LRRC7: variants seen among roughly 807,000 people sequenced by gnomAD.
LRRC7 encodes the protein leucine-rich repeat-containing protein 7.
LRRC7 carries 23 observed loss-of-function variants against 175.7 expected under a neutral mutation model. The observed-to-expected ratio is 0.13, with a 90% CI of 0.09 to 0.19. The LOEUF (loss-of-function observed/expected upper bound fraction) is 0.19, where lower values mean the gene tolerates loss of function less well. Ranked by LOEUF, LRRC7 falls within the 10% of genes least tolerant of loss-of-function variation. LRRC7 has a pLI of 1.00. For missense variants in LRRC7, 1,354 were observed against 1,904.7 expected, an observed-to-expected ratio of 0.71 and a Z score of 5.38; for synonymous variants, 685 against 680.9, an observed-to-expected ratio of 1.01 and a Z score of -0.09.
chr1:69,784,407 T>C (rs958210016), intron 3 of LRRC7, among the ~76,000 whole-genome samples: 3 of 151,974 alleles, frequency 2.0e-5, no homozygotes, highest in Non-Finnish European at 4.4e-5. Context: ...TTACATACGC[T>C]CTTGGGTCTG....
chr1:69,878,728 C>T (rs569904053), intron 7 of LRRC7, among the ~76,000 whole-genome samples: 1 of 151,644 alleles, frequency 6.6e-6, no homozygotes, highest in East Asian at 1.9e-4. Context: ...TATAATGCAG[C>T]TAATGGGATA....
chr1:69,958,510 A>G (rs779674966), intron 8 of LRRC7, among the ~76,000 whole-genome samples: 1 of 152,076 alleles, frequency 6.6e-6, no homozygotes, highest in African/African-American at 2.4e-5. Flanking sequence ...TAAAAATGGT[A>G]TCTTTTTAAT....
In LRRC7 at chr1:70,036,136, C is replaced by A; in HGVS notation, c.2011C>A (p.Pro671Thr). The change falls in exon 19 of 27, where the codon CCA becomes ACA. Residue 671 changes from proline (P) to threonine (T), a missense_variant. Pro to Thr is a conservative substitution (Grantham distance 38). Coordinates refer to ENST00000651989, the MANE Select transcript of LRRC7 (RefSeq NM_001370785.2). ...TATCTCTCAGGATTCTTTTGTTCAT[C>A]CAGCTAATGAAATGAGGATTGGGGA... Reference protein sequence around the residue: ...EITVEDSFVHPANEMRIGELH... With the variant: ...EITVEDSFVHTANEMRIGELH... The A allele has an allele frequency of 6.2e-7, 1 of 1,610,760 alleles. No individual in the cohort carries two copies. Among genetic ancestry groups the A allele is most frequent in the Non-Finnish European group, 8.5e-7 (1 of 1,178,490 alleles).
At chr1:69,750,017 C>T (rs550915567) in intron 2 of LRRC7, among the ~76,000 whole-genome samples, 154 of 151,210 alleles carry the variant, frequency 1.0e-3, no homozygotes, top group African/African-American at 3.5e-3. Context: ...GCTGAGATCA[C>T]GCCACTGCAC....
chr1:69,928,222 G>T (rs1216560202), intron 7 of LRRC7, among the ~76,000 whole-genome samples: 1 of 152,162 alleles, frequency 6.6e-6, no homozygotes, highest in Non-Finnish European at 1.5e-5. Flanking sequence ...CTACTGTGGG[G>T]TGCCTCCCAG....
At chr1:69,977,253 CT>C (rs1470136503) in intron 8 of LRRC7, among the ~76,000 whole-genome samples, 1 of 151,878 alleles carries the variant, frequency 6.6e-6, no homozygotes, top group Non-Finnish European at 1.5e-5. Context: ...TTTTGTTTTT[CT>C]TTTTTCGAAT....
intron 1 of LRRC7, among the ~76,000 whole-genome samples, chr1:69,665,656 T>C (rs1658154448): frequency 6.6e-6 from 1 of 152,104 alleles, no homozygotes; most frequent in African/African-American, 2.4e-5. Flanking sequence ...ATACTACTGA[T>C]TTTGTATGTT....
chr1:69,875,904 C>CT (rs1286722323), intron 7 of LRRC7, among the ~76,000 whole-genome samples: 2 of 152,016 alleles, frequency 1.3e-5, no homozygotes, highest in Non-Finnish European at 2.9e-5. Flanking sequence ...AAAACGACCC[C>CT]TTAAGAAGAA....
At position 70,028,234 on chromosome 1, in the gene LRRC7, T is replaced by A; in HGVS notation, c.1858T>A (p.Ser620Thr). ...AGAGGATTTAAAGAATATGGTAAAATCTGTTCAAAATTTGGTGGGTAAGCC... is the reference window on the plus strand; with the variant it reads ...AGAGGATTTAAAGAATATGGTAAAAACTGTTCAAAATTTGGTGGGTAAGCC... Reference protein sequence around the residue: ...YPEDLKNMVKSVQNLVGKPSH... With the variant: ...YPEDLKNMVKTVQNLVGKPSH... Residue 620 changes from serine to threonine, a missense_variant, in exon 18 of 27, where the codon TCT becomes ACT. Around this residue, in one of 4 missense-constraint regions of LRRC7, gnomAD observed 1,032 missense variants for 1,227.2 expected, o/e 0.84. Coordinates refer to ENST00000651989, the MANE Select transcript of LRRC7 (RefSeq NM_001370785.2). The A allele has an allele frequency of 6.2e-7, 1 of 1,613,800 alleles. No individual in the cohort carries two copies. The highest frequency in any genetic ancestry group is 8.5e-7 in the Non-Finnish European group (1 of 1,179,774).
At position 69,684,091 on chromosome 1, in the gene LRRC7, C is replaced by T. The variant is rs560580556; in HGVS notation, c.100+5613C>T. Among the ~76,000 whole-genome samples, 311 of 152,154 alleles carry T rather than the reference C, an allele frequency of 2.0e-3. 1 individual carries two copies. The highest frequency in any genetic ancestry group is 3.7e-3 in the Non-Finnish European group (254 of 67,988). On this transcript the variant is annotated intron_variant, in intron 2 of 26. Coordinates refer to ENST00000651989, the MANE Select transcript of LRRC7 (RefSeq NM_001370785.2). ...TTATTAAAATATCTGATTGTATATT[C>T]AAATGTTTTCTGATGTACTGTATAA...
At chr1:69,631,055 C>T (rs906499122) in intron 1 of LRRC7, among the ~76,000 whole-genome samples, 2 of 151,906 alleles carry the variant, frequency 1.3e-5, no homozygotes, top group African/African-American at 2.4e-5. Context: ...AATAGAAGTA[C>T]ATATTTTCAG....
intron 21 of LRRC7, among the ~76,000 whole-genome samples, 179 bp from the exon 22 acceptor site, chr1:70,043,772 CATT>C (rs1660111019): frequency 6.6e-6 from 1 of 152,158 alleles, no homozygotes; most frequent in South Asian, 2.1e-4. Context: ...GGATGGTACT[CATT>C]ATGTGCATAA....
At chr1:69,994,818 G>T (rs1309434984) in intron 11 of LRRC7, among the ~76,000 whole-genome samples, 185 bp downstream of exon 11, 2 of 151,840 alleles carry the variant, frequency 1.3e-5, no homozygotes, top group East Asian at 3.9e-4. Flanking sequence ...TCTAAACATT[G>T]CATTTGATAT....
intron 8 of LRRC7, among the ~76,000 whole-genome samples, chr1:69,959,709 T>C (rs1011769850): frequency 1.3e-5 from 2 of 152,162 alleles, no homozygotes; most frequent in African/African-American, 2.4e-5. Context: ...AGTATATATA[T>C]GCAAAGTGCT....
At chr1:69,743,200 G>A (rs1668895420) in intron 2 of LRRC7, among the ~76,000 whole-genome samples, 1 of 152,010 alleles carries the variant, frequency 6.6e-6, no homozygotes, top group African/African-American at 2.4e-5. Context: ...GAATGAGCAG[G>A]TTAGGGTCAA....
chr1:69,837,339 GC>G (rs1681233885), intron 6 of LRRC7, among the ~76,000 whole-genome samples: 2 of 151,698 alleles, frequency 1.3e-5, no homozygotes, highest in African/African-American at 4.8e-5. Flanking sequence ...AATAATAATA[GC>G]CAATTCTTAT....
intron 7 of LRRC7, among the ~76,000 whole-genome samples, chr1:69,841,501 C>A (rs1681725910): frequency 6.6e-6 from 1 of 152,052 alleles, no homozygotes; most frequent in Admixed American, 6.6e-5. Context: ...TGGTTCTCAG[C>A]ATTGCTGGTC....
intron 7 of LRRC7, among the ~76,000 whole-genome samples, chr1:69,844,666 C>T (rs566718895): frequency 1.4e-4 from 22 of 152,182 alleles, no homozygotes; most frequent in Admixed American, 1.3e-4. Context: ...GACATCTCTT[C>T]AAGATCCCGG....
At chr1:70,088,013 A>T (rs985698537) in intron 24 of LRRC7, among the ~76,000 whole-genome samples, 3 of 152,130 alleles carry the variant, frequency 2.0e-5, no homozygotes, top group African/African-American at 7.2e-5. Context: ...AAATGTAAAG[A>T]GTGTTTTGGG....
Sources: gnomAD v4.1 joint callset for allele counts (sites outside exome capture counted in the v4.1 genomes callset) on GRCh38, gnomAD v4.1.1 for gene constraint, gnomAD v4.1.1 regional missense constraint, MANE v1.5 for transcripts, NCBI Gene and HGNC (gene_info 2026-07-23, HGNC 2026-07-21) for gene names.